DENND2A: variants seen among roughly 807,000 people sequenced by gnomAD.
DENND2A encodes DENN domain containing 2A.
DENND2A carries 53 observed loss-of-function variants against 105.3 expected under a neutral mutation model. That is an observed-to-expected ratio of 0.50 (90% CI 0.40 to 0.63). The LOEUF is 0.63. Among genes scored for constraint, DENND2A ranks in the 30% least tolerant of loss-of-function variants. DENND2A has a pLI of 0.00. For synonymous variants in DENND2A, 522 were observed against 508.4 expected (o/e 1.03, Z -0.36); for missense variants, 1,138 against 1,279.6 (o/e 0.89, Z 1.69).
chr7:140,626,255 T>C (rs1800521532), intron 1 of DENND2A, among the ~76,000 whole-genome samples: 1 of 152,230 alleles, frequency 6.6e-6, no homozygotes, highest in Non-Finnish European at 1.5e-5. Flanking sequence ...CTCCGTCCCC[T>C]GCACACCATG....
chr7:140,619,809 C>A (rs1490645610), intron 1 of DENND2A, among the ~76,000 whole-genome samples: 1 of 151,964 alleles, frequency 6.6e-6, no homozygotes, highest in Non-Finnish European at 1.5e-5. Context: ...CAAAACTGTA[C>A]ATTTTAAATG....
chr7:140,532,237 C>A (rs1294923605), intron 14 of DENND2A, among the ~76,000 whole-genome samples: 1 of 152,162 alleles, frequency 6.6e-6, no homozygotes, highest in Non-Finnish European at 1.5e-5. Context: ...CTGCTGCACT[C>A]CAGTCTGGGC....
Position 140,525,768 on chromosome 7 carries a change from T to C in DENND2A, c.2530A>G (p.Ser844Gly), listed in dbSNP as rs1796033373. Reference sequence around the variant, plus strand: ...TCACTCACCTGTCTGAGGAACCGGCTGTTGACGAGGTCAACCACAAGGACC... The same window carrying C: ...TCACTCACCTGTCTGAGGAACCGGCCGTTGACGAGGTCAACCACAAGGACC... ...EEVLVVDLVNSRFLRQMDDED... is the reference protein window; with the variant it reads ...EEVLVVDLVNGRFLRQMDDED... The change falls in exon 16 of 20, where the codon AGC becomes GGC. Residue 844 changes from serine to glycine, a missense_variant. By Grantham distance (56) the Ser-to-Gly change is moderately conservative (BLOSUM62 0). This residue lies in a region of DENND2A where 627 missense variants were observed against 779.8 expected (regional missense o/e 0.80). Transcript: ENST00000496613. 1 of 1,606,656 alleles carries C rather than the reference T, an allele frequency of 6.2e-7. No homozygotes were observed. Among genetic ancestry groups the C allele is most frequent in the Non-Finnish European group, 8.5e-7 (1 of 1,176,370 alleles).
At chr7:140,530,929 A>G (rs1462521430) in intron 14 of DENND2A, among the ~76,000 whole-genome samples, 1 of 152,090 alleles carries the variant, frequency 6.6e-6, no homozygotes, top group Non-Finnish European at 1.5e-5. Flanking sequence ...ACAGGGTTTC[A>G]CCACGTTGGT....
rs1799871275 is a variant in DENND2A, at chr7:140,610,883, GTCTT to G, written c.-247-5081_-247-5078del. 6.6e-5 allele frequency among the ~76,000 whole-genome samples: 10 copies of G among 152,282 alleles called. No homozygotes were observed. In the South Asian group the frequency reaches 2.1e-3, roughly 32 times the overall value. ...ATCCTGCTGGGCCTGCCCCATTGCT[GTCTT>G]TCTTCTGCTGCCATTTTTGGAATCC... On this transcript the variant is annotated intron_variant, in intron 1 of 19. Transcript: ENST00000496613.
chr7:140,568,859 T>C, intron 7 of DENND2A, 46 bp from the exon 8 acceptor site: 1 of 1,583,828 alleles, frequency 6.3e-7, no homozygotes, highest in Non-Finnish European at 8.7e-7. Flanking sequence ...TGAGTTCTTC[T>C]CATGTAGGAA....
chr7:140,544,329 G>C (rs1249292333), intron 14 of DENND2A: 13 of 505,618 alleles, frequency 2.6e-5, no homozygotes, highest in Non-Finnish European at 2.5e-5. Flanking sequence ...CAAGTAGCTG[G>C]GATAACAAGC....
At chr7:140,555,546 A>AG in intron 12 of DENND2A, 90 bp downstream of exon 12, 2 of 1,093,740 alleles carry the variant, frequency 1.8e-6, no homozygotes, top group African/African-American at 1.6e-5. Flanking sequence ...ATAAGATGAT[A>AG]GAAGGCCCAG....
chr7:140,518,867 G>C lies in DENND2A; in HGVS notation c.2999-129C>G. ...GCCACCCCAGGGAGCCTCATCCCTT[G>C]CTCTGGAGAAGCCAAAGGGGCTTTG... On this transcript the variant is annotated intron_variant, in intron 19 of 19. Coordinates refer to ENST00000496613, the MANE Select transcript of DENND2A (RefSeq NM_015689.5). 4.0e-6 allele frequency: 3 copies of C among 755,690 alleles called. No individual in the cohort carries two copies. The South Asian group carries it at 4.9e-5, about 12-fold the overall frequency. The allele number at this position is 755,690 out of a possible 1,614,324, so 46.8% of individuals were successfully genotyped here. A position where few individuals can be genotyped will look rare whatever the true frequency, so the allele number is the denominator to read the frequency against.
rs1362946647 is a variant in DENND2A, at chr7:140,559,966, G to A, written c.1780-149C>T. The A allele has an allele frequency of 1.0e-5, 7 of 688,436 alleles. No homozygotes were observed. The highest frequency in any genetic ancestry group is 6.3e-5 in the South Asian group (4 of 63,348). 42.6% of individuals were successfully genotyped at this position (688,436 alleles called of 1,614,324 possible). Reference sequence around the variant, plus strand: ...CTTGGGAAGAGCTTGCAGCTCAGTCGGCTGGGGCATTTTCCCCCCAGTGCA... The same window carrying A: ...CTTGGGAAGAGCTTGCAGCTCAGTCAGCTGGGGCATTTTCCCCCCAGTGCA... On this transcript the variant is annotated intron_variant, in intron 9 of 19. Coordinates refer to ENST00000496613, the MANE Select transcript of DENND2A (RefSeq NM_015689.5). The surrounding 1 kb of genome is among the most constrained non-coding windows in gnomAD (Gnocchi z 4.1).
intron 6 of DENND2A, among the ~76,000 whole-genome samples, chr7:140,572,590 G>A (rs1461938125): frequency 6.6e-6 from 1 of 151,272 alleles, no homozygotes; most frequent in African/African-American, 2.4e-5. Context: ...GTGAAACCCC[G>A]TCTCTACTAA....
intron 3 of DENND2A, among the ~76,000 whole-genome samples, chr7:140,592,964 G>A (rs1799124939): frequency 6.6e-6 from 1 of 152,154 alleles, no homozygotes; most frequent in Non-Finnish European, 1.5e-5. Flanking sequence ...CCCTTCTGAG[G>A]TTTAGGTAGG....
At position 140,640,691 on chromosome 7, in the gene DENND2A, CCG is replaced by C; in HGVS notation, c.-437_-436del. On this transcript the variant is annotated 5_prime_UTR_variant, in exon 1 of 20. Coordinates refer to ENST00000496613, the MANE Select transcript of DENND2A (RefSeq NM_015689.5). The surrounding 1 kb of genome is among the most constrained non-coding windows in gnomAD (Gnocchi z 4.9). ...GCCCGCAAGCCCCTGGGGGTCCCCGCCGCGCGCGCTCCCGTGGGGTCCCCGCC... is the reference window on the plus strand; with the variant it reads ...GCCCGCAAGCCCCTGGGGGTCCCCGCCGCGCGCTCCCGTGGGGTCCCCGCC... 1 of 148,790 alleles carries C rather than the reference CCG, an allele frequency of 6.7e-6. No homozygotes were observed. The highest frequency in any genetic ancestry group is 1.9e-4 in the South Asian group (1 of 5,148). The allele number at this position is 148,790 out of a possible 1,614,324, so 9.2% of individuals were successfully genotyped here.
At chr7:140,574,935 G>A (rs890662739) in intron 5 of DENND2A, among the ~76,000 whole-genome samples, 2 of 152,056 alleles carry the variant, frequency 1.3e-5, no homozygotes, top group African/African-American at 2.4e-5. Flanking sequence ...CAGGAGAATC[G>A]CCTGAACCCT....
At chr7:140,522,269 G>A (rs1032382010) in intron 17 of DENND2A, among the ~76,000 whole-genome samples, 169 bp from the exon 18 acceptor site, 2 of 152,038 alleles carry the variant, frequency 1.3e-5, no homozygotes, top group East Asian at 3.8e-4. Context: ...TTCTTTCCAT[G>A]CTTAATTTTT....
intron 12 of DENND2A, among the ~76,000 whole-genome samples, chr7:140,549,564 CAATT>C (rs1036400260): frequency 2.6e-5 from 4 of 152,050 alleles, no homozygotes; most frequent in African/African-American, 9.7e-5. Context: ...TCGAAATAGA[CAATT>C]AATAACATAA....
chr7:140,574,684 T>C (rs977350154), intron 5 of DENND2A, among the ~76,000 whole-genome samples: 2 of 152,074 alleles, frequency 1.3e-5, no homozygotes, highest in Admixed American at 1.3e-4. Context: ...AGGAATTGTG[T>C]TTCTTTGGCC....
chr7:140,627,211 T>C (rs1015732700), intron 1 of DENND2A, among the ~76,000 whole-genome samples: 1 of 152,110 alleles, frequency 6.6e-6, no homozygotes, highest in Admixed American at 6.6e-5. Flanking sequence ...TATTTATTTT[T>C]AGTTTAGTTT....
intron 1 of DENND2A, among the ~76,000 whole-genome samples, chr7:140,624,023 T>C (rs1800406279): frequency 6.6e-6 from 1 of 152,226 alleles, no homozygotes; most frequent in Non-Finnish European, 1.5e-5. Context: ...GGCAGGGCCA[T>C]ATGTGAGTGA....
Sources: allele counts gnomAD v4.1 joint callset (sites outside exome capture counted in the v4.1 genomes callset), GRCh38; gene constraint gnomAD v4.1.1; regional missense constraint gnomAD v4.1.1; non-coding constraint Gnocchi (gnomAD v3.1); transcripts MANE v1.5; gene names NCBI Gene and HGNC (gene_info 2026-07-23, HGNC 2026-07-21).